The following UVRAG variants were observed in gnomAD, a reference collection of about 807,000 sequenced individuals.
UVRAG encodes UV radiation resistance-associated gene protein.
Under a neutral mutation model 78.0 loss-of-function variants are expected in UVRAG, and 19 were observed. The ratio of observed to expected loss-of-function variants is 0.24; its 90% CI spans 0.17 to 0.36. UVRAG has a LOEUF of 0.36. UVRAG is among the 10% of genes least tolerant of loss of function. UVRAG has a pLI of 1.00. For synonymous variants in UVRAG, 323 were observed against 324.6 expected, an observed-to-expected ratio of 1.00 and a Z score of 0.05; for missense variants, 740 against 853.8, an observed-to-expected ratio of 0.87 and a Z score of 1.66.
At chr11:75,889,762 T>A (rs1947175780) in intron 5 of UVRAG, among the ~76,000 whole-genome samples, 1 of 152,212 alleles carries the variant, frequency 6.6e-6, no homozygotes, top group South Asian at 2.1e-4. Context: ...AGCAAATGGA[T>A]AATTTCCTGC....
At chr11:76,081,727 A>T (rs961469261) in intron 13 of UVRAG, among the ~76,000 whole-genome samples, 1 of 152,222 alleles carries the variant, frequency 6.6e-6, no homozygotes, top group Non-Finnish European at 1.5e-5. Flanking sequence ...ATAATTTGAC[A>T]TTATGCAGTG....
intron 1 of UVRAG, among the ~76,000 whole-genome samples, chr11:75,836,311 G>A (rs753331521): frequency 1.3e-5 from 2 of 152,134 alleles, no homozygotes; most frequent in Non-Finnish European, 2.9e-5. Context: ...AGTTTAAGAA[G>A]CACTGATCTA....
intron 5 of UVRAG, among the ~76,000 whole-genome samples, chr11:75,901,312 G>T (rs1043659013): frequency 1.3e-5 from 2 of 152,000 alleles, no homozygotes; most frequent in Admixed American, 6.6e-5. Flanking sequence ...TTTTACCTAG[G>T]TTAAGTAGAA....
At chr11:75,844,267 G>T (rs1006866976) in intron 1 of UVRAG, among the ~76,000 whole-genome samples, 1 of 150,720 alleles carries the variant, frequency 6.6e-6, no homozygotes, top group Non-Finnish European at 1.5e-5. Flanking sequence ...TCACTCTGTC[G>T]CCCAGGCTGG....
chr11:76,135,259 C>T (rs1485605672), intron 14 of UVRAG, among the ~76,000 whole-genome samples: 1 of 152,150 alleles, frequency 6.6e-6, no homozygotes, highest in African/African-American at 2.4e-5. Flanking sequence ...GAGTAGAATC[C>T]AGGTCTTTGA....
chr11:75,964,636 C>T (rs940614590), intron 7 of UVRAG, among the ~76,000 whole-genome samples: 7 of 152,124 alleles, frequency 4.6e-5, no homozygotes, highest in Non-Finnish European at 1.0e-4. Context: ...GGCGTGGTGG[C>T]CCACGCCTGT....
intron 7 of UVRAG, among the ~76,000 whole-genome samples, chr11:75,961,877 T>A (rs1337594154): frequency 2.4e-4 from 36 of 151,054 alleles, no homozygotes; most frequent in African/African-American, 5.6e-4. Flanking sequence ...AAAAAAAAAA[T>A]GGGAGCTAAT....
rs527805464 is a variant in UVRAG, at chr11:76,126,470, A to G, written c.1397+10455A>G. Among the ~76,000 whole-genome samples, 5 of 152,324 alleles carry G rather than the reference A, an allele frequency of 3.3e-5. No homozygotes were observed. In the South Asian group the frequency reaches 1.0e-3, roughly 32 times the overall value. ...CTCAAGTCAGACTAACCACATTTCAAGTTCCAGCAACCAGTTCCTAGTGGT... is the reference window on the plus strand; with the variant it reads ...CTCAAGTCAGACTAACCACATTTCAGGTTCCAGCAACCAGTTCCTAGTGGT... On this transcript the variant is annotated intron_variant, in intron 14 of 14. Coordinates refer to ENST00000356136, the MANE Select transcript of UVRAG (RefSeq NM_003369.4).
At chr11:75,839,047 G>C (rs1246047776) in intron 1 of UVRAG, 4 of 152,324 alleles carry the variant, frequency 2.6e-5, no homozygotes, top group South Asian at 2.1e-4. Context: ...TTTTTGGTCT[G>C]TGCCAATTTT....
rs1565179707 is a variant in UVRAG at position 76,143,774 on chromosome 11, C to T, written c.*2361C>T. Among the ~76,000 whole-genome samples, 1 of 152,230 alleles carries T rather than the reference C, an allele frequency of 6.6e-6. No homozygotes were observed. Among genetic ancestry groups the T allele is most frequent in the African/African-American group, 2.4e-5 (1 of 41,522 alleles). On this transcript the variant is annotated 3_prime_UTR_variant, in exon 15 of 15. Transcript: ENST00000356136. ...TGGCCTCTGTTTAAAGTGGCTGGGG[C>T]CAAAATAAGGGATGAGTTATTATCT...
At chr11:75,824,669 A>ATTTT (rs1217028567) in intron 1 of UVRAG, among the ~76,000 whole-genome samples, 17 of 118,650 alleles carry the variant, frequency 1.4e-4, no homozygotes, top group African/African-American at 3.0e-4. Context: ...GAAGTTTGTC[A>ATTTT]TTTTTTTTTT....
intron 7 of UVRAG, among the ~76,000 whole-genome samples, chr11:75,978,834 A>G (rs972780412): frequency 1.3e-5 from 2 of 152,088 alleles, no homozygotes; most frequent in African/African-American, 4.8e-5. Context: ...AGCTTGGAGA[A>G]TTTTGTTATT....
intron 5 of UVRAG, among the ~76,000 whole-genome samples, chr11:75,909,098 A>G (rs767781862): frequency 5.3e-5 from 8 of 152,124 alleles, no homozygotes; most frequent in Non-Finnish European, 1.2e-4. Flanking sequence ...CTGTAATCCC[A>G]GCACTTTGGG....
chr11:76,044,919 C>G (rs1437002404), intron 12 of UVRAG, among the ~76,000 whole-genome samples: 1 of 152,112 alleles, frequency 6.6e-6, no homozygotes, highest in African/African-American at 2.4e-5. Flanking sequence ...ACGTAGCAGA[C>G]TGGAAAAATG....
intron 5 of UVRAG, 111 bp from the exon 6 acceptor site, chr11:75,911,843 G>C: frequency 1.5e-6 from 1 of 689,026 alleles, no homozygotes. Flanking sequence ...TAAAATTTTA[G>C]ATTTACTCAG....
intron 13 of UVRAG, among the ~76,000 whole-genome samples, chr11:76,069,630 G>A (rs1186835190): frequency 6.6e-6 from 1 of 152,050 alleles, no homozygotes; most frequent in African/African-American, 2.4e-5. Flanking sequence ...TATATTTGTG[G>A]GAGCCTTATA....
At chr11:76,109,793 C>T (rs73498250) in intron 13 of UVRAG, among the ~76,000 whole-genome samples, 3,721 of 152,234 alleles carry the variant, frequency 0.024, 146 homozygotes, top group African/African-American at 0.083. Flanking sequence ...TAATATCTTA[C>T]CAGGGAGTTA....
chr11:75,888,916 T>C lies in UVRAG; in HGVS notation c.507+13T>C. On this transcript the variant is annotated intron_variant, in intron 5 of 14. Coordinates refer to ENST00000356136, the MANE Select transcript of UVRAG (RefSeq NM_003369.4). ...ATTTGAACATAAGGTAAGAAGATCCTTCTAATGTTATGAATTTTGTTTAGT... is the reference window on the plus strand; with the variant it reads ...ATTTGAACATAAGGTAAGAAGATCCCTCTAATGTTATGAATTTTGTTTAGT... 1.9e-6 allele frequency: 3 copies of C among 1,608,620 alleles called. No individual in the cohort carries two copies. Among genetic ancestry groups the C allele is most frequent in the Non-Finnish European group, 2.5e-6 (3 of 1,176,746 alleles).
Position 75,975,510 on chromosome 11 carries a change from C to T in UVRAG, c.700-7877C>T, listed in dbSNP as rs184609440. Reference sequence around the variant, plus strand: ...TTCCTATCCATGAGCATGGAATGTTCTTCCATTTGTTTGTGTCCTCTTTTA... The same window carrying T: ...TTCCTATCCATGAGCATGGAATGTTTTTCCATTTGTTTGTGTCCTCTTTTA... On this transcript the variant is annotated intron_variant, in intron 7 of 14. Transcript: ENST00000356136. Among the ~76,000 whole-genome samples the T allele has an allele frequency of 4.6e-3, 701 of 152,220 alleles. 4 individuals are homozygous for T. The highest frequency in any genetic ancestry group is 0.016 in the African/African-American group (669 of 41,536).
Sources: gnomAD v4.1 joint callset for allele counts (sites outside exome capture counted in the v4.1 genomes callset) on GRCh38, gnomAD v4.1.1 for gene constraint, MANE v1.5 for transcripts, NCBI Gene and HGNC (gene_info 2026-07-23, HGNC 2026-07-21) for gene names.